Variants in PALD1 observed in about 807,000 individuals in gnomAD.
PALD1 encodes paladin.
PALD1 carries 57 observed loss-of-function variants against 96.0 expected under a neutral mutation model. The observed-to-expected ratio is 0.59, with a 90% CI of 0.48 to 0.74. The LOEUF (loss-of-function observed/expected upper bound fraction) is 0.74. PALD1 is among the 30% of genes least tolerant of loss of function. The pLI, the probability that PALD1 is intolerant of heterozygous loss-of-function variation, is 0.00. For synonymous variants in PALD1, 464 were observed against 473.6 expected (o/e 0.98, Z 0.26); for missense variants, 1,063 against 1,143.7 (o/e 0.93, Z 1.02).
chr10:70,529,982 G>T lies in PALD1; in HGVS notation c.382G>T (p.Gly128Cys). 6.2e-7 allele frequency: 1 copy of T among 1,611,368 alleles called. No individual in the cohort carries two copies. Among genetic ancestry groups the T allele is most frequent in the Non-Finnish European group, 8.5e-7 (1 of 1,178,784 alleles). ...CGAPNFRQVQGGLTVFGMGQP... is the reference protein window; with the variant it reads ...CGAPNFRQVQCGLTVFGMGQP... ...GGCCCCCAACTTCCGGCAGGTGCAGGGTGGGCTCACTGTGTTCGGCATGGG... is the reference window on the plus strand; with the variant it reads ...GGCCCCCAACTTCCGGCAGGTGCAGTGTGGGCTCACTGTGTTCGGCATGGG... Residue 128 changes from glycine (G) to cysteine (C), a missense_variant, in exon 4 of 20, where the codon GGT becomes TGT. Physicochemically the swap from Gly to Cys is radical, Grantham distance 159. Transcript: ENST00000263563.
At chr10:70,519,281 G>A (rs72811328) in intron 1 of PALD1, among the ~76,000 whole-genome samples, 2,773 of 152,176 alleles carry the variant, frequency 0.018, 29 homozygotes, top group Non-Finnish European at 0.028. Flanking sequence ...ACGACAAAAC[G>A]CCATGAACTG....
rs1847190632 is a variant in PALD1 at position 70,539,411 on chromosome 10, T to C, written c.1725+164T>C. On this transcript the variant is annotated intron_variant, in intron 14 of 19. Coordinates refer to ENST00000263563, the MANE Select transcript of PALD1 (RefSeq NM_014431.3). The surrounding 1 kb of genome is among the most constrained non-coding windows in gnomAD (Gnocchi z 4.5). ...CAACTCAGGATTCCCACTAAAGTGCTCTGCTAACCTGCTTGGCTTTGGGGG... is the reference window on the plus strand; with the variant it reads ...CAACTCAGGATTCCCACTAAAGTGCCCTGCTAACCTGCTTGGCTTTGGGGG... 6.6e-6 allele frequency among the ~76,000 whole-genome samples: 1 copy of C among 152,002 alleles called. No homozygotes were observed. The highest frequency in any genetic ancestry group is 2.1e-4 in the South Asian group (1 of 4,826).
intron 1 of PALD1, among the ~76,000 whole-genome samples, chr10:70,491,640 T>C (rs1391813211): frequency 6.6e-6 from 1 of 152,220 alleles, no homozygotes; most frequent in Non-Finnish European, 1.5e-5. Context: ...TACAGTTCAG[T>C]GACAGTACAT....
At position 70,499,508 on chromosome 10, in the gene PALD1, G is replaced by T. The variant is rs548446937; in HGVS notation, c.-30+20449G>T. ...TTGGCCTGGGGTGGCCACACGGCAG[G>T]ATGTCCCTCTTGGCAGGACTTTCCC... On this transcript the variant is annotated intron_variant, in intron 1 of 19. Transcript: ENST00000263563. Among the ~76,000 whole-genome samples, 14 of 152,356 alleles carry T rather than the reference G, an allele frequency of 9.2e-5. No homozygotes were observed. The South Asian group carries it at 1.2e-3, about 14-fold the overall frequency.
At chr10:70,492,874 T>C (rs1846123495) in intron 1 of PALD1, among the ~76,000 whole-genome samples, 1 of 152,216 alleles carries the variant, frequency 6.6e-6, no homozygotes, top group Non-Finnish European at 1.5e-5. Context: ...ATCTCAATTT[T>C]AAAATTTCAC....
intron 1 of PALD1, among the ~76,000 whole-genome samples, chr10:70,508,820 C>T (rs4747044): frequency 0.45 from 24,589 of 54,136 alleles, 2,884 homozygotes; most frequent in East Asian, 0.57. Context: ...TGTGTGTGTG[C>T]AGGCCTGTGG....
chr10:70,478,819 G>A lies in PALD1; in HGVS notation c.-270G>A, dbSNP rs1440684058. 6.6e-6 allele frequency: 1 copy of A among 151,614 alleles called. No homozygotes were observed. The highest frequency in any genetic ancestry group is 1.5e-5 in the Non-Finnish European group (1 of 67,872). 9.4% of individuals were successfully genotyped at this position (151,614 alleles called of 1,614,324 possible). On this transcript the variant is annotated 5_prime_UTR_variant, in exon 1 of 20. Transcript: ENST00000263563. The stretch of plus-strand genomic sequence containing the variant: ...CAGCGCGGCGCGCACGGGCCGGGGC[G>A]CGCAGGTCCCGTCGCCGGTGAGCAC...
At position 70,529,821 on chromosome 10, in the gene PALD1, C is replaced by T. The variant is rs531916473; in HGVS notation, c.289-68C>T. 1.2e-5 allele frequency: 17 copies of T among 1,438,830 alleles called. No homozygotes were observed. The East Asian group carries it at 3.5e-4, about 29-fold the overall frequency. 89.1% of individuals were successfully genotyped at this position (1,438,830 alleles called of 1,614,324 possible). A position where few individuals can be genotyped will look rare whatever the true frequency, so the allele number is the denominator to read the frequency against. On this transcript the variant is annotated intron_variant, in intron 3 of 19. Transcript: ENST00000263563. ...CCTCCCTGTCCCCTGGAGCCCAGGA[C>T]AGAGCTCCATCTGCAGAAAATACCC... is the stretch of plus-strand genomic sequence containing the variant.
chr10:70,526,184 C>T (rs373713684), intron 2 of PALD1, 48 bp downstream of exon 2: 43 of 1,520,824 alleles, frequency 2.8e-5, no homozygotes, highest in Middle Eastern at 1.7e-4. Context: ...ACATGATGGG[C>T]GGGGGGACCT....
In PALD1 at chr10:70,541,158, T is replaced by G. The variant is rs780252932; in HGVS notation, c.1965T>G (p.Thr655=). The G allele has an allele frequency of 5.6e-6, 9 of 1,613,566 alleles. No homozygotes were observed. The highest frequency in any genetic ancestry group is 1.6e-4 in the Middle Eastern group (1 of 6,074). Residue 655 remains threonine, a synonymous_variant, in exon 16 of 20, where the codon ACT becomes ACG. Transcript: ENST00000263563. Reference sequence around the variant, plus strand: ...CCGCCCTCTCCAAGGACCCAGGCACTGGCTTCGTGTTCAGCTGCCTCAGCG... The same window carrying G: ...CCGCCCTCTCCAAGGACCCAGGCACGGGCTTCGTGTTCAGCTGCCTCAGCG... ...LRAALSKDPG[T]GFVFSCLSGQ...
Position 70,564,503 on chromosome 10 carries a change from G to C in PALD1, c.2402G>C (p.Ser801Thr). 1 of 1,613,804 alleles carries C rather than the reference G, an allele frequency of 6.2e-7. No individual in the cohort carries two copies. Among genetic ancestry groups the C allele is most frequent in the East Asian group, 2.2e-5 (1 of 44,872 alleles). ...EKADSWQRPF[S>T]TWMQEVASKA... ...GCCGACTCCTGGCAGAGGCCCTTCA[G>C]CACCTGGATGCAGGAGGTGAGGGGA... The change falls in exon 19 of 20, where the codon AGC (serine) becomes ACC (threonine). Residue 801 changes from serine (S) to threonine (T), a missense_variant. Transcript: ENST00000263563.
chr10:70,460,709 C>T, the PALD1 span, among the ~76,000 whole-genome samples: 1 of 152,300 alleles, frequency 6.6e-6, no homozygotes, highest in South Asian at 2.1e-4. Flanking sequence ...GATGGGATGG[C>T]ATCACTCCCC....
intron 1 of PALD1, among the ~76,000 whole-genome samples, chr10:70,484,624 C>G (rs1403414847): frequency 1.3e-5 from 2 of 151,520 alleles, no homozygotes; most frequent in East Asian, 3.9e-4. Flanking sequence ...ACTCAAGCTC[C>G]GCCTCCCGGG....
chr10:70,524,646 G>A (rs77673666), intron 1 of PALD1, among the ~76,000 whole-genome samples: 1 of 152,150 alleles, frequency 6.6e-6, no homozygotes, highest in Non-Finnish European at 1.5e-5. Flanking sequence ...ATGCCCTTTC[G>A]TGAGTTAAGG....
chr10:70,483,077 C>T (rs1845960731), intron 1 of PALD1, among the ~76,000 whole-genome samples: 1 of 152,024 alleles, frequency 6.6e-6, no homozygotes, highest in Non-Finnish European at 1.5e-5. Flanking sequence ...GAGTGAGGTA[C>T]ATGCAGACAC....
rs1189962867 is a variant in PALD1 at position 70,567,807 on chromosome 10, A to T, written c.*1074A>T. ...GAGGCTGCTGGGATCCACTGTTTCCACACAGCGGGAAGGCTGCTGGGAACA... is the reference window on the plus strand; with the variant it reads ...GAGGCTGCTGGGATCCACTGTTTCCTCACAGCGGGAAGGCTGCTGGGAACA... On this transcript the variant is annotated 3_prime_UTR_variant, in exon 20 of 20. Transcript: ENST00000263563. The T allele has an allele frequency of 2.6e-5, 4 of 152,380 alleles. No individual in the cohort carries two copies. Among genetic ancestry groups the T allele is most frequent in the Admixed American group, 2.0e-4 (3 of 15,286 alleles). The allele number at this position is 152,380 out of a possible 1,614,324, so 9.4% of individuals were successfully genotyped here.
chr10:70,539,141 G>C lies in PALD1; in HGVS notation c.1619G>C (p.Arg540Pro). Residue 540 changes from arginine to proline, a missense_variant, in exon 14 of 20, where the codon CGG becomes CCG. Transcript: ENST00000263563. The surrounding 1 kb of genome is among the most constrained non-coding windows in gnomAD (Gnocchi z 4.5). ...AYLTDAKRRL[R>P]KVVWVSLREE... is the part of the protein sequence containing the mutation. ...CTGACGGACGCCAAGAGGAGGCTGC[G>C]GAAGGTTGTCTGGGTGAGCCTTCGG... 6.2e-7 allele frequency: 1 copy of C among 1,613,710 alleles called. No individual in the cohort carries two copies. Among genetic ancestry groups the C allele is most frequent in the South Asian group, 1.1e-5 (1 of 91,036 alleles).
At chr10:70,499,696 C>T (rs772251533) in intron 1 of PALD1, among the ~76,000 whole-genome samples, 4 of 152,360 alleles carry the variant, frequency 2.6e-5, no homozygotes, top group African/African-American at 7.2e-5. Context: ...CTCCCCTGCC[C>T]GAAGCTGCCC....
Position 70,502,290 on chromosome 10 carries a change from G to A in PALD1, c.-30+23231G>A, listed in dbSNP as rs191773166. 2.3e-4 allele frequency among the ~76,000 whole-genome samples: 35 copies of A among 152,168 alleles called. No homozygotes were observed. The East Asian group carries it at 6.4e-3, about 28-fold the overall frequency. ...GTATTTGCTTATGTTGGCTTTTTTCGCTCCATGTCCTGTTAAGGATGTTCA... is the reference window on the plus strand; with the variant it reads ...GTATTTGCTTATGTTGGCTTTTTTCACTCCATGTCCTGTTAAGGATGTTCA... On this transcript the variant is annotated intron_variant, in intron 1 of 19. Transcript: ENST00000263563.
Sources: gnomAD v4.1 joint callset for allele counts (sites outside exome capture counted in the v4.1 genomes callset) on GRCh38, gnomAD v4.1.1 for gene constraint, Gnocchi (gnomAD v3.1) non-coding constraint, MANE v1.5 for transcripts, NCBI Gene and HGNC (gene_info 2026-07-23, HGNC 2026-07-21) for gene names.